The following NXF1 variants were observed in gnomAD, a reference collection of about 807,000 sequenced individuals.
NXF1 encodes nuclear RNA export factor 1.
In NXF1, 43 loss-of-function variants were observed where a neutral mutation model predicts 92.4. The observed-to-expected ratio is 0.47, with a 90% CI of 0.36 to 0.60. The LOEUF (loss-of-function observed/expected upper bound fraction) is 0.60, where lower values mean the gene tolerates loss of function less well. Among genes scored for constraint, NXF1 ranks in the 20% least tolerant of loss-of-function variants. NXF1 has a pLI of 0.00. For synonymous variants in NXF1, 288 were observed against 292.2 expected, an observed-to-expected ratio of 0.99 and a Z score of 0.15; for missense variants, 576 against 793.0, an observed-to-expected ratio of 0.73 and a Z score of 3.29.
chr11:62,794,185 T>A, intron 19 of NXF1, 73 bp downstream of exon 19: 1 of 1,419,992 alleles, frequency 7.0e-7, no homozygotes, highest in African/African-American at 1.5e-5. Flanking sequence ...ACAAAAAAAC[T>A]GTCAGGAGCC....
chr11:62,805,338 A>C lies in NXF1; in HGVS notation c.19T>G (p.Ser7Ala). MADEGK[S>A]YSEHDDERVN... is the part of the protein sequence containing the mutation. The stretch of plus-strand genomic sequence containing the variant: ...GAAGACCAGCACTTACCGCTGTACG[A>C]CTTCCCCTCGTCCGCCATGCCACAG... Residue 7 changes from serine to alanine, a missense_variant, in exon 1 of 21, where the codon TCG becomes GCG. Physicochemically the swap from Ser to Ala is moderately conservative, Grantham distance 99. This residue lies in a region of NXF1 where 151 missense variants were observed against 157.8 expected (regional missense o/e 0.96). Coordinates refer to ENST00000294172, the MANE Select transcript of NXF1 (RefSeq NM_006362.5). 1 of 1,611,330 alleles carries C rather than the reference A, an allele frequency of 6.2e-7. No individual in the cohort carries two copies. Among genetic ancestry groups the C allele is most frequent in the Non-Finnish European group, 8.5e-7 (1 of 1,178,838 alleles).
Position 62,796,153 on chromosome 11 carries a change from C to A in NXF1, c.1374G>T (p.Thr458=), listed in dbSNP as rs746034281. The A allele has an allele frequency of 1.2e-6, 2 of 1,614,034 alleles. No homozygotes were observed. The highest frequency in any genetic ancestry group is 3.3e-5 in the Admixed American group (2 of 59,988). Residue 458 remains threonine, a synonymous_variant, in exon 16 of 21, where the codon ACG becomes ACT. Coordinates refer to ENST00000294172, the MANE Select transcript of NXF1 (RefSeq NM_006362.5). ...TGAGGAAGGCAACAACGTTGAGACGCGTGTGCTTCAGCAGCCGGAACCGCA... is the reference window on the plus strand; with the variant it reads ...TGAGGAAGGCAACAACGTTGAGACGAGTGTGCTTCAGCAGCCGGAACCGCA... ...PTLRFRLLKH[T]RLNVVAFLNE...
chr11:62,795,408 G>A (rs1348178955), intron 17 of NXF1: 5 of 200,318 alleles, frequency 2.5e-5, no homozygotes, highest in African/African-American at 4.7e-5. Flanking sequence ...CCCAGGAGAC[G>A]GAGGTTGCAG....
At chr11:62,795,077 A>G (rs2084406554) in intron 17 of NXF1, 70 bp from the exon 18 acceptor site, 1 of 1,389,236 alleles carries the variant, frequency 7.2e-7, no homozygotes, top group South Asian at 1.2e-5. Context: ...TTCTTGAATC[A>G]TGGTCTTTGA....
intron 3 of NXF1, among the ~76,000 whole-genome samples, chr11:62,803,189 G>A (rs1368791354): frequency 6.6e-6 from 1 of 152,046 alleles, no homozygotes; most frequent in Non-Finnish European, 1.5e-5. Context: ...CGTGGTGGTG[G>A]GTGTCTGTAG....
At chr11:62,798,800 C>T in intron 10 of NXF1, 2 of 1,361,508 alleles carry the variant, frequency 1.5e-6, no homozygotes, top group Non-Finnish European at 1.9e-6. Context: ...CTCTGCCTGA[C>T]CCTGAGTGTC....
In NXF1 at chr11:62,801,608, A is replaced by G. The variant is rs1300710679; in HGVS notation, c.663T>C (p.Asp221=). The stretch of plus-strand genomic sequence containing the variant: ...TGAGGTCAAGGGCTTGTTGGGAGCC[A>G]TCGTATCGTTTGCTCATGATCAGCT... The part of the protein sequence containing the change: ...QLKLIMSKRY[D]GSQQALDLKG... Residue 221 remains aspartate (D), a synonymous_variant, in exon 7 of 21, where the codon GAT becomes GAC. Coordinates refer to ENST00000294172, the MANE Select transcript of NXF1 (RefSeq NM_006362.5). 1 of 1,613,972 alleles carries G rather than the reference A, an allele frequency of 6.2e-7. No individual in the cohort carries two copies. The highest frequency in any genetic ancestry group is 1.1e-5 in the South Asian group (1 of 91,066).
intron 5 of NXF1, 44 bp downstream of exon 5, chr11:62,801,898 G>C (rs2084483038): frequency 6.2e-7 from 1 of 1,605,316 alleles, no homozygotes; most frequent in South Asian, 1.1e-5. Flanking sequence ...CCTGCTCTGA[G>C]CACCAACCTC....
rs1161213519 is a variant in NXF1 at position 62,792,471 on chromosome 11, T to TA, written c.*4dup. ...GGGGGGACTGCTTCTGAGGCATGAC[T>TA]ACGATCACTTCATGAATGCCACTTC... On this transcript the variant is annotated 3_prime_UTR_variant, in exon 21 of 21. Coordinates refer to ENST00000294172, the MANE Select transcript of NXF1 (RefSeq NM_006362.5). 6.2e-7 allele frequency: 1 copy of TA among 1,614,056 alleles called. No homozygotes were observed. The highest frequency in any genetic ancestry group is 8.5e-7 in the Non-Finnish European group (1 of 1,180,016).
chr11:62,793,689 C>A (rs938083097), intron 19 of NXF1, among the ~76,000 whole-genome samples: 1 of 148,478 alleles, frequency 6.7e-6, no homozygotes, highest in Admixed American at 6.7e-5. Context: ...AACAAACAAG[C>A]AAATAAAAAT....
intron 11 of NXF1, 100 bp from the exon 12 acceptor site, chr11:62,797,486 G>C (rs1279862186): frequency 2.9e-6 from 3 of 1,035,060 alleles, no homozygotes; most frequent in Non-Finnish European, 2.9e-6. Context: ...GATGGCTTGA[G>C]CTCAGGAGTT....
intron 17 of NXF1, 125 bp from the exon 18 acceptor site, chr11:62,795,132 A>G (rs899898309): frequency 4.0e-5 from 35 of 871,590 alleles, no homozygotes; most frequent in Non-Finnish European, 6.2e-5. Context: ...TAAGTATATA[A>G]GGGTATAAGG....
chr11:62,794,073 G>T (rs893593773), intron 19 of NXF1, among the ~76,000 whole-genome samples, 185 bp downstream of exon 19: 1 of 151,958 alleles, frequency 6.6e-6, no homozygotes. Context: ...AGGCTGAGGT[G>T]GGAGGACAGC....
In NXF1 at chr11:62,802,235, T is replaced by A; in HGVS notation, c.395A>T (p.Lys132Met). Residue 132 changes from lysine (K) to methionine (M), a missense_variant, in exon 4 of 21, where the codon AAG becomes ATG. Physicochemically the swap from Lys to Met is moderately conservative, Grantham distance 95. Coordinates refer to ENST00000294172, the MANE Select transcript of NXF1 (RefSeq NM_006362.5). ...ITIPYGRKYD[K>M]AWLLSMIQSK... ...CTGAATCATGCTCAGGAGCCATGCC[T>A]TGTCATACTTTCTGCCATAAGGAAT... 6.2e-7 allele frequency: 1 copy of A among 1,614,144 alleles called. No homozygotes were observed. The highest frequency in any genetic ancestry group is 1.1e-5 in the South Asian group (1 of 91,078).
At chr11:62,794,464 A>G in intron 18 of NXF1, 24 bp from the exon 19 acceptor site, 2 of 1,595,068 alleles carry the variant, frequency 1.3e-6, no homozygotes, top group South Asian at 1.1e-5. Context: ...AGCACTTAAA[A>G]AGCTAGACAG....
At chr11:62,802,349 C>G (rs1446063186) in intron 3 of NXF1, 89 bp from the exon 4 acceptor site, 1 of 1,012,676 alleles carries the variant, frequency 9.9e-7, no homozygotes, top group Non-Finnish European at 1.5e-6. Flanking sequence ...TTCTACCAAA[C>G]TTTTAAAGAC....
chr11:62,800,494 G>A lies in NXF1; in HGVS notation c.907-8C>T. ...TTCCCGCTCAGACTTCAACTGCAAAGGGTGGAAGGAACAAAGGGAGGAGAC... is the reference window on the plus strand; with the variant it reads ...TTCCCGCTCAGACTTCAACTGCAAAAGGTGGAAGGAACAAAGGGAGGAGAC... On this transcript the variant is annotated splice_polypyrimidine_tract_variant and splice_region_variant and intron_variant, in intron 9 of 20. Coordinates refer to ENST00000294172, the MANE Select transcript of NXF1 (RefSeq NM_006362.5). The A allele has an allele frequency of 6.2e-7, 1 of 1,607,518 alleles. No individual in the cohort carries two copies. Among genetic ancestry groups the A allele is most frequent in the East Asian group, 2.2e-5 (1 of 44,758 alleles).
At chr11:62,804,309 T>C (rs2084511597) in intron 1 of NXF1, 2 of 893,526 alleles carry the variant, frequency 2.2e-6, no homozygotes, top group African/African-American at 1.7e-5. Context: ...TGCCACTCAG[T>C]ACTTTGTCTA....
At chr11:62,805,197 C>CG (rs2084522569) in intron 1 of NXF1, 132 bp downstream of exon 1, 1 of 785,404 alleles carries the variant, frequency 1.3e-6, no homozygotes, top group South Asian at 4.0e-5. Flanking sequence ...CTCGAGTGCC[C>CG]GGCCCCCCGC....
Sources: allele counts gnomAD v4.1 joint callset (sites outside exome capture counted in the v4.1 genomes callset), GRCh38; gene constraint gnomAD v4.1.1; regional missense constraint gnomAD v4.1.1; transcripts MANE v1.5; gene names NCBI Gene and HGNC (gene_info 2026-07-23, HGNC 2026-07-21).